WDR41: variants seen among roughly 807,000 people sequenced by gnomAD.
WDR41 encodes WD repeat domain 41.
In WDR41, 63 loss-of-function variants were observed where a neutral mutation model predicts 69.3. The observed-to-expected ratio is 0.91, with a 90% CI of 0.74 to 1.12. The LOEUF (loss-of-function observed/expected upper bound fraction) is 1.12. Ranked by LOEUF, WDR41 falls within the 50% of genes most tolerant of loss-of-function variation. The pLI is 0.00. For missense variants in WDR41, 543 were observed against 534.5 expected (o/e 1.02, Z -0.16); for synonymous variants, 185 against 192.1 (o/e 0.96, Z 0.31).
In WDR41 at chr5:77,432,970, A is replaced by C; in HGVS notation, c.*165T>G. ...GAGGATATACTAGGACCTGAGAAGC[A>C]ACATGTTCCTGGTTGGTAGGTCCAC... On this transcript the variant is annotated 3_prime_UTR_variant, in exon 13 of 13. Coordinates refer to ENST00000296679, the MANE Select transcript of WDR41 (RefSeq NM_018268.4). 1 of 676,094 alleles carries C rather than the reference A, an allele frequency of 1.5e-6. No individual in the cohort carries two copies. The highest frequency in any genetic ancestry group is 2.3e-5 in the South Asian group (1 of 43,936). 41.9% of individuals were successfully genotyped at this position (676,094 alleles called of 1,614,324 possible). A position where few individuals can be genotyped will look rare whatever the true frequency, so the allele number is the denominator to read the frequency against.
chr5:77,589,259 T>C (rs1744094444), intron 1 of WDR41, among the ~76,000 whole-genome samples: 2 of 152,182 alleles, frequency 1.3e-5, no homozygotes, highest in South Asian at 4.1e-4. Context: ...ATGCCCGTCT[T>C]ATTCTACCAT....
chr5:77,575,267 A>G lies in WDR41; in HGVS notation c.42+45212T>C, dbSNP rs183929024. 2.6e-3 allele frequency among the ~76,000 whole-genome samples: 393 copies of G among 152,346 alleles called. 2 individuals carry two copies. The highest frequency in any genetic ancestry group is 9.2e-3 in the African/African-American group (381 of 41,578). On this transcript the variant is annotated intron_variant, in intron 1 of 5. Coordinates refer to the WDR41 transcript ENST00000509971. ...GAAAAGAATAAGCTACGACACTAATACCAGAGTTGATATAGTGAGAAATAG... is the reference window on the plus strand; with the variant it reads ...GAAAAGAATAAGCTACGACACTAATGCCAGAGTTGATATAGTGAGAAATAG...
At chr5:77,598,892 G>A (rs1435660338) in intron 1 of WDR41, among the ~76,000 whole-genome samples, 2 of 152,084 alleles carry the variant, frequency 1.3e-5, no homozygotes, top group Non-Finnish European at 2.9e-5. Context: ...AGTCAAGGAA[G>A]CCATAAGTCA....
intron 1 of WDR41, among the ~76,000 whole-genome samples, chr5:77,607,827 C>G (rs1474198551): frequency 6.6e-6 from 1 of 152,150 alleles, no homozygotes; most frequent in Non-Finnish European, 1.5e-5. Flanking sequence ...ACTTTGTATA[C>G]ATTTTAAGTT....
At chr5:77,600,921 C>CTGTGTGTGTGTG (rs778461981) in intron 1 of WDR41, among the ~76,000 whole-genome samples, 14 of 106,392 alleles carry the variant, frequency 1.3e-4, no homozygotes, top group African/African-American at 5.3e-4. Flanking sequence ...TTATCTAACT[C>CTGTGTGTGTGTG]TGTGTGTATG....
At chr5:77,519,733 T>C (rs1214740936) in intron 1 of WDR41, among the ~76,000 whole-genome samples, 4 of 151,810 alleles carry the variant, frequency 2.6e-5, no homozygotes, top group Non-Finnish European at 4.4e-5. Flanking sequence ...AAATGTGAAG[T>C]CCATTTTAAA....
At chr5:77,452,096 T>C (rs183211781) in intron 6 of WDR41, 245 of 152,196 alleles carry the variant, frequency 1.6e-3, no homozygotes, top group African/African-American at 5.3e-3. Context: ...GAAAACGGTC[T>C]AGTCATTTGC....
Position 77,438,277 on chromosome 5 carries a change from C to T in WDR41, c.967G>A (p.Asp323Asn), listed in dbSNP as rs140538424. 138 of 1,614,074 alleles carry T rather than the reference C, an allele frequency of 8.5e-5. No homozygotes were observed. The African/African-American group carries it at 1.5e-3, about 18-fold the overall frequency. Reference protein sequence around the residue: ...RVIACQKTAHDSNVLHVARLP... With the variant: ...RVIACQKTAHNSNVLHVARLP... Reference sequence around the variant, plus strand: ...CTGGCAACGTGCAGGACATTGGAGTCATGTGCAGTTTTCTGGCAGGCAATC... The same window carrying T: ...CTGGCAACGTGCAGGACATTGGAGTTATGTGCAGTTTTCTGGCAGGCAATC... The change falls in exon 10 of 13, where the codon GAC (aspartate) becomes AAC (asparagine). Residue 323 changes from aspartate to asparagine, a missense_variant. By Grantham distance (23) the Asp-to-Asn change is conservative. Transcript: ENST00000296679.
intron 2 of WDR41, among the ~76,000 whole-genome samples, chr5:77,471,929 C>T (rs1015705998): frequency 1.4e-4 from 21 of 151,990 alleles, no homozygotes; most frequent in African/African-American, 5.1e-4. Context: ...CTCATGAGGC[C>T]AGCATCATCC....
chr5:77,447,864 G>A (rs1443370052), intron 8 of WDR41, among the ~76,000 whole-genome samples: 1 of 152,172 alleles, frequency 6.6e-6, no homozygotes, highest in Non-Finnish European at 1.5e-5. Context: ...TTCTGCACAT[G>A]TATCCCATTT....
intron 2 of WDR41, among the ~76,000 whole-genome samples, chr5:77,475,879 C>T (rs1467442672): frequency 9.9e-5 from 15 of 151,828 alleles, no homozygotes; most frequent in Non-Finnish European, 1.5e-4. Context: ...CTATGAGCTA[C>T]GGGAGGACAT....
At chr5:77,584,185 A>T (rs1274067466) in intron 1 of WDR41, among the ~76,000 whole-genome samples, 2 of 152,168 alleles carry the variant, frequency 1.3e-5, no homozygotes, top group Non-Finnish European at 2.9e-5. Context: ...GAACAAAATG[A>T]AGAGATCCAC....
chr5:77,464,698 G>C, intron 3 of WDR41, 63 bp downstream of exon 3: 1 of 1,475,330 alleles, frequency 6.8e-7, no homozygotes, highest in Non-Finnish European at 9.5e-7. Flanking sequence ...GTATTTATAT[G>C]AATACATACT....
At chr5:77,599,121 G>A (rs1172793141) in intron 1 of WDR41, among the ~76,000 whole-genome samples, 4 of 134,698 alleles carry the variant, frequency 3.0e-5, no homozygotes, top group East Asian at 2.1e-4. Context: ...TAAAACATAC[G>A]TTTTTTTTTT....
intron 1 of WDR41, among the ~76,000 whole-genome samples, chr5:77,563,664 C>T (rs1023006457): frequency 6.6e-6 from 1 of 152,100 alleles, no homozygotes; most frequent in Non-Finnish European, 1.5e-5. Context: ...TGTACTCTCA[C>T]GAGGAACCGG....
chr5:77,441,573 T>C (rs1366481285), intron 8 of WDR41, among the ~76,000 whole-genome samples: 4 of 152,118 alleles, frequency 2.6e-5, no homozygotes, highest in Non-Finnish European at 2.9e-5. Context: ...ACCCCATCTC[T>C]ACTAAAAATA....
intron 2 of WDR41, 114 bp from the exon 3 acceptor site, chr5:77,464,923 G>T: frequency 1.9e-6 from 2 of 1,030,272 alleles, no homozygotes; most frequent in Non-Finnish European, 2.9e-6. Context: ...CGAAGATCAA[G>T]TTATTTCAGC....
chr5:77,607,923 T>A (rs1744456761), intron 1 of WDR41, among the ~76,000 whole-genome samples: 1 of 152,228 alleles, frequency 6.6e-6, no homozygotes, highest in Non-Finnish European at 1.5e-5. Flanking sequence ...TTTGCCCACA[T>A]GAAACTTTAT....
At chr5:77,499,124 A>G (rs1446781909) in intron 1 of WDR41, among the ~76,000 whole-genome samples, 1 of 152,220 alleles carries the variant, frequency 6.6e-6, no homozygotes, top group Non-Finnish European at 1.5e-5. Context: ...TTTCTCTCCA[A>G]TTGAACACAA....
Sources: allele counts gnomAD v4.1 joint callset (sites outside exome capture counted in the v4.1 genomes callset), GRCh38; gene constraint gnomAD v4.1.1; transcripts MANE v1.5; gene names NCBI Gene and HGNC (gene_info 2026-07-23, HGNC 2026-07-21).